Variants in NFX1 observed in about 807,000 individuals in gnomAD.
The protein encoded by NFX1 is nuclear transcription factor, X-box binding 1, also known as transcriptional repressor NF-X1.
NFX1 carries 69 observed loss-of-function variants against 137.2 expected under a neutral mutation model. The observed-to-expected ratio is 0.50, with a 90% CI of 0.41 to 0.61. The LOEUF (loss-of-function observed/expected upper bound fraction) is 0.61, where lower values mean the gene tolerates loss of function less well. Among genes scored for constraint, NFX1 ranks in the 20% least tolerant of loss-of-function variants. NFX1 has a pLI of 0.00. For missense variants in NFX1, 1,167 were observed against 1,391.0 expected (o/e 0.84, Z 2.56); for synonymous variants, 495 against 474.1 (o/e 1.04, Z -0.57).
In NFX1 at chr9:33,367,573, G is replaced by C. The variant is rs1406029307; in HGVS notation, c.3244G>C (p.Ala1082Pro). ...LTGVLEREMQ[A>P]RPPPPIPHHR... ...AGGTGTGCTTGAAAGGGAAATGCAG[G>C]CACGGCCTCCACCACCGATTCCTCA... is the stretch of plus-strand genomic sequence containing the variant. The change falls in exon 23 of 24, where the codon GCA becomes CCA. Residue 1082 changes from alanine (A) to proline (P), a missense_variant. By Grantham distance (27) the Ala-to-Pro change is conservative. Transcript: ENST00000379540. The C allele has an allele frequency of 2.5e-6, 4 of 1,613,736 alleles. No homozygotes were observed. The highest frequency in any genetic ancestry group is 1.3e-5 in the African/African-American group (1 of 74,902).
At chr9:33,295,481 A>G (rs1821322151) in intron 2 of NFX1, 54 bp downstream of exon 2, 7 of 1,504,048 alleles carry the variant, frequency 4.7e-6, no homozygotes, top group Middle Eastern at 3.5e-4. Context: ...TAAATTTTTA[A>G]ATAAGTCATA....
At chr9:33,314,434 T>C (rs1029254929) in intron 7 of NFX1, among the ~76,000 whole-genome samples, 2 of 152,070 alleles carry the variant, frequency 1.3e-5, no homozygotes, top group Admixed American at 6.5e-5. Context: ...CCCAGCACTT[T>C]GAGAGGGTGA....
At chr9:33,295,636 C>T (rs1307413672) in intron 2 of NFX1, among the ~76,000 whole-genome samples, 1 of 152,192 alleles carries the variant, frequency 6.6e-6, no homozygotes, top group African/African-American at 2.4e-5. Context: ...ATATCACAAG[C>T]AAATACAAAT....
intron 9 of NFX1, among the ~76,000 whole-genome samples, chr9:33,326,371 C>T (rs1822588157): frequency 6.7e-6 from 1 of 150,036 alleles, no homozygotes; most frequent in Non-Finnish European, 1.5e-5. Flanking sequence ...CAAGATCATG[C>T]CACTGCACTT....
chr9:33,338,683 A>T, intron 12 of NFX1, 94 bp downstream of exon 12: 1 of 1,108,420 alleles, frequency 9.0e-7, no homozygotes, highest in Non-Finnish European at 1.3e-6. Flanking sequence ...CCCGGATTTA[A>T]AAGTCACTGG....
intron 12 of NFX1, among the ~76,000 whole-genome samples, chr9:33,342,232 T>TA (rs1310370018): frequency 1.3e-5 from 2 of 151,754 alleles, no homozygotes; most frequent in Non-Finnish European, 2.9e-5. Flanking sequence ...GAGGCCAAGG[T>TA]GGGCGGATCA....
At chr9:33,320,211 C>T (rs959933578) in intron 9 of NFX1, among the ~76,000 whole-genome samples, 14 of 152,126 alleles carry the variant, frequency 9.2e-5, no homozygotes, top group African/African-American at 2.9e-4. Context: ...GTGATCTGCC[C>T]GCCTTGGCCT....
intron 9 of NFX1, among the ~76,000 whole-genome samples, chr9:33,319,757 G>A (rs1365957267): frequency 1.3e-5 from 2 of 152,042 alleles, no homozygotes; most frequent in Non-Finnish European, 2.9e-5. Context: ...TGATCCACCC[G>A]CCTTGGGTTC....
chr9:33,350,618 T>C (rs1823602557), intron 15 of NFX1, among the ~76,000 whole-genome samples: 1 of 152,232 alleles, frequency 6.6e-6, no homozygotes, highest in South Asian at 2.1e-4. Context: ...TTAAGGTTTG[T>C]TTTCTTCATC....
intron 17 of NFX1, 62 bp from the exon 18 acceptor site, chr9:33,354,024 A>C (rs977975288): frequency 7.6e-6 from 11 of 1,455,750 alleles, no homozygotes; most frequent in South Asian, 1.3e-5. Context: ...CTGTATCCCA[A>C]GTATAAGGAG....
Position 33,371,118 on chromosome 9 carries a change from C to A in NFX1, c.*1140C>A, listed in dbSNP as rs1448761045. 2 of 152,164 alleles carry A rather than the reference C, an allele frequency of 1.3e-5. No homozygotes were observed. The highest frequency in any genetic ancestry group is 4.8e-5 in the African/African-American group (2 of 41,422). 9.4% of individuals were successfully genotyped at this position (152,164 alleles called of 1,614,324 possible). On this transcript the variant is annotated 3_prime_UTR_variant, in exon 24 of 24. Coordinates refer to ENST00000379540, the MANE Select transcript of NFX1 (RefSeq NM_002504.6). ...GCAGGAGACTTGAGAAGTAGAGTGACAAAAACAAGCACTTAATTAAATTAT... is the reference window on the plus strand; with the variant it reads ...GCAGGAGACTTGAGAAGTAGAGTGAAAAAAACAAGCACTTAATTAAATTAT...
intron 12 of NFX1, among the ~76,000 whole-genome samples, chr9:33,339,411 C>A (rs766183390): frequency 1.3e-5 from 2 of 152,168 alleles, no homozygotes; most frequent in Non-Finnish European, 2.9e-5. Context: ...TTCACTATCA[C>A]GAGAACAGCA....
At chr9:33,356,689 G>A (rs1823820433) in intron 19 of NFX1, among the ~76,000 whole-genome samples, 1 of 152,020 alleles carries the variant, frequency 6.6e-6, no homozygotes, top group South Asian at 2.1e-4. Flanking sequence ...GATAAGGAGA[G>A]TTTACAATTC....
rs1821276569 is a variant in NFX1, at chr9:33,294,555, G to A, written c.161G>A (p.Cys54Tyr). The A allele has an allele frequency of 6.2e-7, 1 of 1,614,022 alleles. No homozygotes were observed. Among genetic ancestry groups the A allele is most frequent in the African/African-American group, 1.3e-5 (1 of 74,900 alleles). The change falls in exon 2 of 24, where the codon TGT becomes TAT. Residue 54 changes from cysteine to tyrosine, a missense_variant. Physicochemically the swap from Cys to Tyr is radical, Grantham distance 194 (BLOSUM62 -2). Around this residue, in one of 3 missense-constraint regions of NFX1, gnomAD observed 367 missense variants for 386.7 expected, o/e 0.95. Transcript: ENST00000379540. The stretch of plus-strand genomic sequence containing the variant: ...AGAAATTACAGTTCACCACCTCCCT[G>A]TCACCTTTCCAGGCAGGTCCCTTAT... ...GRRNYSSPPP[C>Y]HLSRQVPYDE...
intron 6 of NFX1, among the ~76,000 whole-genome samples, chr9:33,312,644 G>A (rs1822003661): frequency 6.6e-6 from 1 of 152,372 alleles, no homozygotes; most frequent in Non-Finnish European, 1.5e-5. Flanking sequence ...GCCGAGGTGG[G>A]TGGATCACTT....
At chr9:33,342,896 G>A in intron 13 of NFX1, 42 bp downstream of exon 13, 1 of 1,302,710 alleles carries the variant, frequency 7.7e-7, no homozygotes, top group Non-Finnish European at 1.1e-6. Flanking sequence ...GAGTTTTTTA[G>A]AAATTCAGAC....
intron 14 of NFX1, among the ~76,000 whole-genome samples, chr9:33,344,730 G>A (rs1278148598): frequency 1.3e-5 from 2 of 152,104 alleles, no homozygotes; most frequent in Non-Finnish European, 2.9e-5. Flanking sequence ...GCTGGGCATG[G>A]TGGTGCACGC....
At chr9:33,354,676 G>T (rs975546419) in intron 18 of NFX1, among the ~76,000 whole-genome samples, 175 bp from the exon 19 acceptor site, 5 of 152,170 alleles carry the variant, frequency 3.3e-5, no homozygotes, top group Admixed American at 3.3e-4. Context: ...CTAGGGCAAG[G>T]TTACTAATGG....
At chr9:33,343,762 A>G (rs1823309751) in intron 13 of NFX1, among the ~76,000 whole-genome samples, 1 of 152,184 alleles carries the variant, frequency 6.6e-6, no homozygotes, top group South Asian at 2.1e-4. Context: ...TAAATTTCCT[A>G]TTATAATATT....
Sources: allele counts gnomAD v4.1 joint callset (sites outside exome capture counted in the v4.1 genomes callset), GRCh38; gene constraint gnomAD v4.1.1; regional missense constraint gnomAD v4.1.1; transcripts MANE v1.5; gene names NCBI Gene and HGNC (gene_info 2026-07-23, HGNC 2026-07-21).